The following NBEA variants were observed in gnomAD, a reference collection of about 807,000 sequenced individuals.
NBEA encodes the protein neurobeachin.
Under a neutral mutation model 343.4 loss-of-function variants are expected in NBEA, and 44 were observed. The observed-to-expected ratio is 0.13, with a 90% CI of 0.10 to 0.16. NBEA has a LOEUF of 0.16. Ranked by LOEUF, NBEA falls within the 10% of genes least tolerant of loss-of-function variation. NBEA has a pLI of 1.00. For missense variants in NBEA, 2,555 were observed against 3,631.3 expected (o/e 0.70, Z 7.62); for synonymous variants, 1,175 against 1,238.7 (o/e 0.95, Z 1.08).
intron 1 of NBEA, among the ~76,000 whole-genome samples, chr13:34,945,477 T>C (rs190771754): frequency 6.4e-4 from 97 of 152,198 alleles, no homozygotes; most frequent in Middle Eastern, 3.4e-3. Context: ...CTTAATTCTA[T>C]TTATTTAGTA....
intron 41 of NBEA, among the ~76,000 whole-genome samples, chr13:35,488,879 A>T (rs2076398780): frequency 6.6e-6 from 1 of 151,852 alleles, no homozygotes; most frequent in Non-Finnish European, 1.5e-5. Context: ...ACATTGTTGG[A>T]AAAAACGTAT....
intron 36 of NBEA, among the ~76,000 whole-genome samples, chr13:35,319,193 G>C (rs542948106): frequency 1.5e-3 from 234 of 152,158 alleles, no homozygotes; most frequent in Non-Finnish European, 2.8e-3. Context: ...TGATGTTAGG[G>C]CATTGATTTT....
intron 38 of NBEA, among the ~76,000 whole-genome samples, chr13:35,420,035 AT>A (rs2152922836): frequency 6.6e-6 from 1 of 152,078 alleles, no homozygotes; most frequent in South Asian, 2.1e-4. Flanking sequence ...ATTTTGCATG[AT>A]TTTTTACATA....
At chr13:35,341,265 A>G (rs977944736) in intron 36 of NBEA, among the ~76,000 whole-genome samples, 5 of 152,070 alleles carry the variant, frequency 3.3e-5, no homozygotes, top group East Asian at 1.9e-4. Context: ...TTCAAAATGC[A>G]TGAAAGACCC....
chr13:35,153,350 T>C (rs1245544051), intron 18 of NBEA, among the ~76,000 whole-genome samples: 5 of 152,068 alleles, frequency 3.3e-5, no homozygotes, highest in South Asian at 2.1e-4. Flanking sequence ...TTCTTAATGA[T>C]AGTCTATCAT....
intron 1 of NBEA, among the ~76,000 whole-genome samples, chr13:35,032,940 C>T (rs1291814002): frequency 6.6e-6 from 1 of 151,806 alleles, no homozygotes; most frequent in African/African-American, 2.4e-5. Flanking sequence ...AATATTTTCT[C>T]CCATTCTCTG....
intron 11 of NBEA, among the ~76,000 whole-genome samples, chr13:35,102,275 T>A (rs2065683398): frequency 6.6e-6 from 1 of 151,816 alleles, no homozygotes; most frequent in African/African-American, 2.4e-5. Flanking sequence ...GACTGGGATT[T>A]TTTTTGTGTG....
intron 38 of NBEA, among the ~76,000 whole-genome samples, chr13:35,388,713 G>T (rs1228929755): frequency 1.3e-5 from 2 of 152,186 alleles, no homozygotes; most frequent in Non-Finnish European, 2.9e-5. Flanking sequence ...AATGTGAAAG[G>T]TTTCACAAAG....
intron 1 of NBEA, among the ~76,000 whole-genome samples, chr13:34,991,712 T>C (rs993487898): frequency 2.0e-5 from 3 of 152,212 alleles, no homozygotes; most frequent in Admixed American, 6.5e-5. Flanking sequence ...TAAGGACATA[T>C]ATTATTCTAT....
chr13:35,284,923 T>C (rs1316270962), intron 34 of NBEA, among the ~76,000 whole-genome samples: 1 of 152,134 alleles, frequency 6.6e-6, no homozygotes, highest in East Asian at 1.9e-4. Flanking sequence ...TAAAAGACAC[T>C]CATTATGGTA....
At chr13:35,166,525 T>G (rs1352656567) in intron 24 of NBEA, among the ~76,000 whole-genome samples, 2 of 152,176 alleles carry the variant, frequency 1.3e-5, no homozygotes, top group Non-Finnish European at 2.9e-5. Flanking sequence ...AAACCTTTGT[T>G]TATTTTCTCA....
intron 8 of NBEA, among the ~76,000 whole-genome samples, chr13:35,069,373 ACTTCT>A (rs140186548): frequency 0.046 from 6,934 of 152,140 alleles, 227 homozygotes; most frequent in Non-Finnish European, 0.067. Context: ...GTTTTAATGA[ACTTCT>A]CTTCTGAGTT....
intron 2 of NBEA, among the ~76,000 whole-genome samples, chr13:35,044,132 A>T (rs2062757830): frequency 6.6e-6 from 1 of 152,286 alleles, no homozygotes; most frequent in African/African-American, 2.4e-5. Context: ...TTATATGCAC[A>T]TAAACACTCA....
chr13:35,606,178 A>G (rs2082273637), intron 47 of NBEA, among the ~76,000 whole-genome samples: 1 of 152,170 alleles, frequency 6.6e-6, no homozygotes, highest in Non-Finnish European at 1.5e-5. Flanking sequence ...GGAGGATAAG[A>G]TTGAAAATAG....
intron 41 of NBEA, among the ~76,000 whole-genome samples, chr13:35,490,145 A>G (rs1447801148): frequency 6.6e-6 from 1 of 151,916 alleles, no homozygotes; most frequent in Non-Finnish European, 1.5e-5. Context: ...GACAGACACA[A>G]ATGCCAACAA....
At chr13:35,317,643 A>C (rs1566609761) in intron 36 of NBEA, among the ~76,000 whole-genome samples, 1 of 152,164 alleles carries the variant, frequency 6.6e-6, no homozygotes, top group Non-Finnish European at 1.5e-5. Flanking sequence ...TATGTGAAGA[A>C]AGTTAGTGGT....
intron 38 of NBEA, among the ~76,000 whole-genome samples, chr13:35,389,755 A>G (rs912756461): frequency 7.2e-5 from 11 of 152,140 alleles, no homozygotes; most frequent in Non-Finnish European, 1.3e-4. Context: ...GGAACCATTT[A>G]AAAGGAATAT....
intron 38 of NBEA, among the ~76,000 whole-genome samples, chr13:35,401,971 C>T (rs1448453065): frequency 6.6e-6 from 1 of 151,782 alleles, no homozygotes; most frequent in Non-Finnish European, 1.5e-5. Flanking sequence ...GTTGTGTAAC[C>T]TGTGTACAAA....
chr13:35,313,977 G>A (rs773723146), intron 36 of NBEA, among the ~76,000 whole-genome samples: 3 of 152,018 alleles, frequency 2.0e-5, no homozygotes, highest in Non-Finnish European at 4.4e-5. Flanking sequence ...TTTCAATTTT[G>A]ATGGAAAAAC....
Sources: allele counts gnomAD v4.1 joint callset (sites outside exome capture counted in the v4.1 genomes callset), GRCh38; gene constraint gnomAD v4.1.1; transcripts MANE v1.5; gene names NCBI Gene and HGNC (gene_info 2026-07-23, HGNC 2026-07-21).